Variants in USP25 observed in about 807,000 individuals in gnomAD.
The protein encoded by USP25 is ubiquitin carboxyl-terminal hydrolase 25.
A neutral mutation model predicts 158.5 loss-of-function variants in USP25; 85 were observed. The observed-to-expected ratio is 0.54, with a 90% confidence interval of 0.45 to 0.64. USP25 has a LOEUF of 0.64. USP25 is among the 30% of genes least tolerant of loss of function. USP25 has a pLI of 0.00. For missense variants in USP25, 1,242 were observed against 1,327.3 expected, an observed-to-expected ratio of 0.94 and a Z score of 1.00; for synonymous variants, 464 against 460.4, an observed-to-expected ratio of 1.01 and a Z score of -0.10.
intron 21 of USP25, 37 bp from the exon 22 acceptor site, chr21:15,866,229 A>C: frequency 1.4e-6 from 2 of 1,456,842 alleles, no homozygotes; most frequent in Non-Finnish European, 1.9e-6. Flanking sequence ...ATACACACAC[A>C]TACACACACG....
intron 11 of USP25, among the ~76,000 whole-genome samples, chr21:15,824,537 C>CCTGTCTTT (rs1411083646): frequency 6.6e-6 from 1 of 151,768 alleles, no homozygotes; most frequent in African/African-American, 2.4e-5. Flanking sequence ...TCTCTGTCTT[C>CCTGTCTTT]CTGTCTTTCT....
intron 3 of USP25, among the ~76,000 whole-genome samples, chr21:15,769,762 C>A (rs746234926): frequency 9.9e-5 from 15 of 151,920 alleles, no homozygotes; most frequent in Non-Finnish European, 1.3e-4. Flanking sequence ...TAAATTCTTT[C>A]GAACATTTTT....
intron 7 of USP25, chr21:15,805,460 A>T (rs893081815): frequency 1.4e-4 from 56 of 402,456 alleles, no homozygotes; most frequent in African/African-American, 1.1e-3. Context: ...AATTTATATT[A>T]TGATTGAAAT....
intron 14 of USP25, among the ~76,000 whole-genome samples, chr21:15,829,053 G>A (rs2037669793): frequency 6.6e-6 from 1 of 151,970 alleles, no homozygotes; most frequent in Non-Finnish European, 1.5e-5. Flanking sequence ...GTAAACTATT[G>A]TGTAATATTC....
chr21:15,838,677 C>T (rs2038179965), intron 17 of USP25, among the ~76,000 whole-genome samples: 1 of 152,128 alleles, frequency 6.6e-6, no homozygotes, highest in Admixed American at 6.5e-5. Context: ...CTCAAGCAGT[C>T]CGCTTTAAAT....
At chr21:15,790,149 C>G (rs2035513841) in intron 4 of USP25, among the ~76,000 whole-genome samples, 1 of 152,000 alleles carries the variant, frequency 6.6e-6, no homozygotes, top group South Asian at 2.1e-4. Context: ...CCCAGTTCAT[C>G]TAACTAAATG....
At chr21:15,815,675 A>T (rs1263171437) in intron 9 of USP25, among the ~76,000 whole-genome samples, 1 of 152,146 alleles carries the variant, frequency 6.6e-6, no homozygotes, top group Non-Finnish European at 1.5e-5. Context: ...TCCCATGTGG[A>T]ATGGCTGTAT....
intron 3 of USP25, among the ~76,000 whole-genome samples, chr21:15,768,626 T>C (rs904628655): frequency 6.6e-6 from 1 of 152,092 alleles, no homozygotes; most frequent in Non-Finnish European, 1.5e-5. Context: ...TGCAGGCCTC[T>C]ATTTAAAAAA....
intron 5 of USP25, among the ~76,000 whole-genome samples, chr21:15,794,555 T>G (rs932472782): frequency 1.3e-5 from 2 of 151,590 alleles, no homozygotes; most frequent in Non-Finnish European, 3.0e-5. Flanking sequence ...GTGGTATGGG[T>G]GCTCATGATG....
intron 9 of USP25, among the ~76,000 whole-genome samples, chr21:15,815,269 G>C (rs1453357627): frequency 6.6e-6 from 1 of 152,202 alleles, no homozygotes; most frequent in Non-Finnish European, 1.5e-5. Flanking sequence ...TTGCTACAGA[G>C]TTGGGGTCCT....
intron 17 of USP25, 42 bp from the exon 18 acceptor site, chr21:15,842,354 CTG>C (rs761680264): frequency 1.9e-6 from 3 of 1,593,806 alleles, no homozygotes; most frequent in Non-Finnish European, 2.6e-6. Flanking sequence ...AGTATAGACT[CTG>C]TGGTTTATAT....
intron 4 of USP25, among the ~76,000 whole-genome samples, chr21:15,787,535 T>C (rs28553297): frequency 0.13 from 19,173 of 152,084 alleles, 3,595 homozygotes; most frequent in African/African-American, 0.41. Flanking sequence ...AATGATTAAA[T>C]ATCATTAAGA....
At chr21:15,811,069 C>T in intron 8 of USP25, 68 bp from the exon 9 acceptor site, 1 of 1,367,700 alleles carries the variant, frequency 7.3e-7, no homozygotes, top group Non-Finnish European at 1.0e-6. Context: ...TGTTATAGTT[C>T]TTTAATATTT....
At chr21:15,777,834 A>C in intron 3 of USP25, 70 bp from the exon 4 acceptor site, 2 of 1,428,392 alleles carry the variant, frequency 1.4e-6, no homozygotes, top group Non-Finnish European at 1.9e-6. Context: ...TTGGATATAA[A>C]ATCTCCATAA....
At chr21:15,868,720 G>T (rs1230203854) in intron 22 of USP25, among the ~76,000 whole-genome samples, 2 of 152,096 alleles carry the variant, frequency 1.3e-5, no homozygotes, top group Admixed American at 1.3e-4. Flanking sequence ...CTTTCACACT[G>T]CAGTTACAGA....
At chr21:15,844,299 T>A (rs2146453027) in intron 18 of USP25, among the ~76,000 whole-genome samples, 1 of 152,290 alleles carries the variant, frequency 6.6e-6, no homozygotes, top group East Asian at 1.9e-4. Context: ...GAAAAGTATC[T>A]TCAGACTTTG....
chr21:15,818,961 A>G lies in USP25; in HGVS notation c.1080+115A>G, dbSNP rs1370249054. On this transcript the variant is annotated intron_variant, in intron 10 of 25. Coordinates refer to ENST00000400183, the MANE Select transcript of USP25 (RefSeq NM_001283041.3). Reference sequence around the variant, plus strand: ...CTAATAATTGAGAGAGAATACTCAGAGAGTATGTTTGGATTTAATTGGTAA... The same window carrying G: ...CTAATAATTGAGAGAGAATACTCAGGGAGTATGTTTGGATTTAATTGGTAA... The G allele has an allele frequency of 3.2e-6, 4 of 1,259,686 alleles. No individual in the cohort carries two copies. In the Admixed American group the frequency reaches 8.9e-5, roughly 28 times the overall value. 78.0% of individuals were successfully genotyped at this position (1,259,686 alleles called of 1,614,324 possible).
intron 4 of USP25, among the ~76,000 whole-genome samples, chr21:15,785,908 T>G (rs1204697118): frequency 7.3e-6 from 1 of 136,756 alleles, no homozygotes; most frequent in Non-Finnish European, 1.6e-5. Flanking sequence ...TTAGCTAGAC[T>G]AAGAAAAAAG....
intron 5 of USP25, among the ~76,000 whole-genome samples, chr21:15,794,933 A>T (rs1402869199): frequency 1.3e-5 from 2 of 151,584 alleles, no homozygotes; most frequent in South Asian, 2.1e-4. Context: ...AGGATATTTT[A>T]AAAAATGATG....
Sources: gnomAD v4.1 joint callset for allele counts (sites outside exome capture counted in the v4.1 genomes callset) on GRCh38, gnomAD v4.1.1 for gene constraint, MANE v1.5 for transcripts, NCBI Gene and HGNC (gene_info 2026-07-23, HGNC 2026-07-21) for gene names.